TCF21: variants seen among roughly 807,000 people sequenced by gnomAD.
TCF21 encodes capsulin.
Under a neutral mutation model 13.5 loss-of-function variants are expected in TCF21, and 3 were observed. The ratio of observed to expected loss-of-function variants is 0.22; its 90% CI spans 0.10 to 0.57. The LOEUF (loss-of-function observed/expected upper bound fraction) is 0.57. TCF21 is among the 20% of genes least tolerant of loss of function. The probability of loss-of-function intolerance (pLI) is 0.92; values close to 1 mark genes in which losing one functional copy is unlikely to be tolerated. For missense variants in TCF21, 181 were observed against 238.4 expected (o/e 0.76, Z 1.59); for synonymous variants, 92 against 101.7 (o/e 0.90, Z 0.57).
rs1775227806 is a variant in TCF21 at position 133,892,032 on chromosome 6, G to A, written c.*230G>A. ...ATTTAACTTTATTAACTTCTACCGT[G>A]AATGACTCTGCAAGCCTTGCTGGTC... On this transcript the variant is annotated 3_prime_UTR_variant, in exon 2 of 2. Coordinates refer to ENST00000367882, the MANE Select transcript of TCF21 (RefSeq NM_003206.4). 2.0e-6 allele frequency: 1 copy of A among 500,314 alleles called. No homozygotes were observed. The highest frequency in any genetic ancestry group is 3.6e-6 in the Non-Finnish European group (1 of 278,460). The allele number at this position is 500,314 out of a possible 1,614,324, so 31.0% of individuals were successfully genotyped here.
rs923092385 is a variant in TCF21 at position 133,892,079 on chromosome 6, A to G, written c.*277A>G. ...GGTCCAAGTGCAATATGTAATTATA[A>G]ATATATAAATAGATAAGAGCCTATC... On this transcript the variant is annotated 3_prime_UTR_variant, in exon 2 of 2. Coordinates refer to ENST00000367882, the MANE Select transcript of TCF21 (RefSeq NM_003206.4). 4 of 335,530 alleles carry G rather than the reference A, an allele frequency of 1.2e-5. No individual in the cohort carries two copies. Among genetic ancestry groups the G allele is most frequent in the South Asian group, 1.0e-4 (2 of 19,250 alleles). The allele number at this position is 335,530 out of a possible 1,614,324, so 20.8% of individuals were successfully genotyped here.
At chr6:133,894,058 G>T (rs1681123369), downstream of TCF21, 1 of 152,214 alleles carries the variant, frequency 6.6e-6, no homozygotes, top group Non-Finnish European at 1.5e-5. Flanking sequence ...TAAAGGAAAA[G>T]CTCCGTGAAA....
At chr6:133,895,033 C>CTG (rs1257892196), downstream of TCF21, 1 of 152,148 alleles carries the variant, frequency 6.6e-6, no homozygotes, top group Non-Finnish European at 1.5e-5. Flanking sequence ...CTCTCTCTCT[C>CTG]TCTCTCATTG....
downstream of TCF21, chr6:133,894,273 T>G (rs1233755818): frequency 6.6e-6 from 1 of 152,168 alleles, no homozygotes; most frequent in Non-Finnish European, 1.5e-5. Flanking sequence ...ACCTTGCACC[T>G]CTCCCTAATG....
intron 1 of TCF21, among the ~76,000 whole-genome samples, chr6:133,890,904 G>A (rs953524316): frequency 1.3e-5 from 2 of 152,142 alleles, no homozygotes; most frequent in Non-Finnish European, 2.9e-5. Flanking sequence ...CTCTCCAATT[G>A]AAAGTTTGGG....
At position 133,889,210 on chromosome 6, in the gene TCF21, A is replaced by G. The variant is rs1583769450; in HGVS notation, c.-188A>G. On this transcript the variant is annotated 5_prime_UTR_variant, in exon 1 of 2. Coordinates refer to ENST00000367882, the MANE Select transcript of TCF21 (RefSeq NM_003206.4). The surrounding 1 kb of genome is among the most constrained non-coding windows in gnomAD (Gnocchi z 5.1). Reference sequence around the variant, plus strand: ...GAAGTCCTCGGGGTTCCTTCTCACAACTCTGCGAAGGGGAAAGGGTTGTGA... The same window carrying G: ...GAAGTCCTCGGGGTTCCTTCTCACAGCTCTGCGAAGGGGAAAGGGTTGTGA... 1.5e-6 allele frequency: 1 copy of G among 677,512 alleles called. No homozygotes were observed. The highest frequency in any genetic ancestry group is 1.8e-5 in the African/African-American group (1 of 55,558). The allele number at this position is 677,512 out of a possible 1,614,324, so 42.0% of individuals were successfully genotyped here.
chr6:133,891,851 C>T lies in TCF21; in HGVS notation c.*49C>T. 2 of 1,600,092 alleles carry T rather than the reference C, an allele frequency of 1.2e-6. No individual in the cohort carries two copies. Among genetic ancestry groups the T allele is most frequent in the Non-Finnish European group, 1.7e-6 (2 of 1,170,786 alleles). On this transcript the variant is annotated 3_prime_UTR_variant, in exon 2 of 2. Coordinates refer to ENST00000367882, the MANE Select transcript of TCF21 (RefSeq NM_003206.4). ...AGGCGCGCTCCCGGGGGGAGCGGGCCCCGGGAAGGCGACCCCTGCCCTCAG... is the reference window on the plus strand; with the variant it reads ...AGGCGCGCTCCCGGGGGGAGCGGGCTCCGGGAAGGCGACCCCTGCCCTCAG...
Position 133,889,629 on chromosome 6 carries a change from C to A in TCF21, c.232C>A (p.Gln78Lys). The change falls in exon 1 of 2, where the codon CAG (glutamine) becomes AAG (lysine). Residue 78 changes from glutamine (Q) to lysine (K), a missense_variant. By Grantham distance (53) the Gln-to-Lys change is moderately conservative. Coordinates refer to ENST00000367882, the MANE Select transcript of TCF21 (RefSeq NM_003206.4). This position sits in a 1 kb window ranked among gnomAD's most constrained non-coding sequence, Gnocchi z 5.1. ...PLSGVSQEGK[Q>K]VQRNAANARE... is the part of the protein sequence containing the mutation. ...GAGCGGGGTCAGCCAGGAGGGGAAGCAGGTCCAGCGCAACGCCGCCAACGC... is the reference window on the plus strand; with the variant it reads ...GAGCGGGGTCAGCCAGGAGGGGAAGAAGGTCCAGCGCAACGCCGCCAACGC... 1 of 1,613,718 alleles carries A rather than the reference C, an allele frequency of 6.2e-7. No individual in the cohort carries two copies.
In TCF21 at chr6:133,891,772, G is replaced by C; in HGVS notation, c.510G>C (p.Ala170=). Residue 170 remains alanine (A), a synonymous_variant, in exon 2 of 2, where the codon GCG becomes GCC. Transcript: ENST00000367882. ...PESDLKEVVT[A]SRLCGTTAS ...GTGACCTGAAAGAAGTGGTGACCGCGAGCCGCTTATGTGGAACCACCGCGT... is the reference window on the plus strand; with the variant it reads ...GTGACCTGAAAGAAGTGGTGACCGCCAGCCGCTTATGTGGAACCACCGCGT... The C allele has an allele frequency of 6.2e-7, 1 of 1,613,952 alleles. No individual in the cohort carries two copies. The highest frequency in any genetic ancestry group is 8.5e-7 in the Non-Finnish European group (1 of 1,179,998).
rs750251328 is a variant in TCF21 at position 133,889,608 on chromosome 6, G to A, written c.211G>A (p.Gly71Arg). 6.2e-6 allele frequency: 10 copies of A among 1,613,780 alleles called. No homozygotes were observed. The South Asian group carries it at 9.9e-5, about 16-fold the overall frequency. Residue 71 changes from glycine (G) to arginine (R), a missense_variant, in exon 1 of 2, where the codon GGG becomes AGG. Around this residue, in one of 3 missense-constraint regions of TCF21, gnomAD observed 91 missense variants for 98.5 expected, o/e 0.92. Transcript: ENST00000367882. The surrounding 1 kb of genome is among the most constrained non-coding windows in gnomAD (Gnocchi z 5.1). ...GCCCACCAAGAAGAGCCCCCTGAGC[G>A]GGGTCAGCCAGGAGGGGAAGCAGGT... ...KAPTKKSPLS[G>R]VSQEGKQVQR...
downstream of TCF21, chr6:133,893,848 T>C (rs749805275): frequency 6.6e-6 from 1 of 152,248 alleles, no homozygotes; most frequent in Non-Finnish European, 1.5e-5. Context: ...TGGCTATGAA[T>C]AGGGAACACG....
downstream of TCF21, chr6:133,894,269 C>T (rs1266975866): frequency 2.0e-5 from 3 of 152,154 alleles, no homozygotes; most frequent in Non-Finnish European, 2.9e-5. Context: ...TTTCACCTTG[C>T]ACCTCTCCCT....
At position 133,889,934 on chromosome 6, in the gene TCF21, G is replaced by T. The variant is rs563397710; in HGVS notation, c.450+87G>T. 29 of 1,463,116 alleles carry T rather than the reference G, an allele frequency of 2.0e-5. No homozygotes were observed. The highest frequency in any genetic ancestry group is 6.9e-5 in the Admixed American group (4 of 58,092). The allele number at this position is 1,463,116 out of a possible 1,614,324, so 90.6% of individuals were successfully genotyped here. Reference sequence around the variant, plus strand: ...CGCGAGTGCGCGCGGGGCTGGGAGTGGGGGTGTGGGCGCGGCGGTGACTTA... The same window carrying T: ...CGCGAGTGCGCGCGGGGCTGGGAGTTGGGGTGTGGGCGCGGCGGTGACTTA... On this transcript the variant is annotated intron_variant, in intron 1 of 1. Coordinates refer to ENST00000367882, the MANE Select transcript of TCF21 (RefSeq NM_003206.4). This position sits in a 1 kb window ranked among gnomAD's most constrained non-coding sequence, Gnocchi z 5.1.
At position 133,891,771 on chromosome 6, in the gene TCF21, C is replaced by T. The variant is rs756756327; in HGVS notation, c.509C>T (p.Ala170Val). 1.9e-6 allele frequency: 3 copies of T among 1,613,764 alleles called. No individual in the cohort carries two copies. The highest frequency in any genetic ancestry group is 2.5e-6 in the Non-Finnish European group (3 of 1,179,984). ...AGTGACCTGAAAGAAGTGGTGACCG[C>T]GAGCCGCTTATGTGGAACCACCGCG... ...PESDLKEVVT[A>V]SRLCGTTAS The change falls in exon 2 of 2, where the codon GCG (alanine) becomes GTG (valine). Residue 170 changes from alanine to valine, a missense_variant. Around this residue, in one of 3 missense-constraint regions of TCF21, gnomAD observed 55 missense variants for 59.5 expected, o/e 0.92. Coordinates refer to ENST00000367882, the MANE Select transcript of TCF21 (RefSeq NM_003206.4).
rs1286616251 is a variant in TCF21 at position 133,889,429 on chromosome 6, A to G, written c.32A>G (p.Asp11Gly). 5 of 1,613,524 alleles carry G rather than the reference A, an allele frequency of 3.1e-6. No individual in the cohort carries two copies. The highest frequency in any genetic ancestry group is 4.2e-6 in the Non-Finnish European group (5 of 1,179,934). ...ACCGGCTCCCTCAGCGATGTGGAGG[A>G]CCTTCAAGAGGTGGAGATGTTGGAA... MSTGSLSDVEDLQEVEMLECD... is the reference protein window; with the variant it reads MSTGSLSDVEGLQEVEMLECD... Residue 11 changes from aspartate to glycine, a missense_variant, in exon 1 of 2, where the codon GAC (aspartate) becomes GGC (glycine). Asp to Gly is a moderately conservative substitution (Grantham distance 94, BLOSUM62 -1). This residue lies in a region of TCF21 where 91 missense variants were observed against 98.5 expected (regional missense o/e 0.92). Transcript: ENST00000367882. This position sits in a 1 kb window ranked among gnomAD's most constrained non-coding sequence, Gnocchi z 5.1.
Position 133,889,903 on chromosome 6 carries a change from G to A in TCF21, c.450+56G>A. The A allele has an allele frequency of 6.3e-7, 1 of 1,598,134 alleles. No individual in the cohort carries two copies. The highest frequency in any genetic ancestry group is 8.6e-7 in the Non-Finnish European group (1 of 1,167,962). ...CAGGCGCGCCCGCACTCCCGCCTGC[G>A]GTGGGCGCGAGTGCGCGCGGGGCTG... is the stretch of plus-strand genomic sequence containing the variant. On this transcript the variant is annotated intron_variant, in intron 1 of 1. Transcript: ENST00000367882. This position sits in a 1 kb window ranked among gnomAD's most constrained non-coding sequence, Gnocchi z 5.1.
Position 133,889,217 on chromosome 6 carries a change from GA to G in TCF21, c.-179del. 1 of 705,778 alleles carries G rather than the reference GA, an allele frequency of 1.4e-6. No homozygotes were observed. Among genetic ancestry groups the G allele is most frequent in the South Asian group, 1.7e-5 (1 of 57,728 alleles). 43.7% of individuals were successfully genotyped at this position (705,778 alleles called of 1,614,324 possible). Reference sequence around the variant, plus strand: ...TCGGGGTTCCTTCTCACAACTCTGCGAAGGGGAAAGGGTTGTGAGACCCAAC... The same window carrying G: ...TCGGGGTTCCTTCTCACAACTCTGCGAGGGGAAAGGGTTGTGAGACCCAAC... On this transcript the variant is annotated 5_prime_UTR_variant, in exon 1 of 2. Coordinates refer to ENST00000367882, the MANE Select transcript of TCF21 (RefSeq NM_003206.4). The surrounding 1 kb of genome is among the most constrained non-coding windows in gnomAD (Gnocchi z 5.1).
chr6:133,889,730 C>T lies in TCF21; in HGVS notation c.333C>T (p.Pro111=), dbSNP rs776740659. Residue 111 remains proline, a synonymous_variant, in exon 1 of 2, where the codon CCC becomes CCT. Transcript: ENST00000367882. The surrounding 1 kb of genome is among the most constrained non-coding windows in gnomAD (Gnocchi z 5.1). ...AGACCACCCTGCCCTGGGTGCCCCCCGACACCAAGCTCTCCAAGCTGGACA... is the reference window on the plus strand; with the variant it reads ...AGACCACCCTGCCCTGGGTGCCCCCTGACACCAAGCTCTCCAAGCTGGACA... ...RLKTTLPWVP[P]DTKLSKLDTL... The T allele has an allele frequency of 1.2e-6, 2 of 1,613,558 alleles. No homozygotes were observed. Among genetic ancestry groups the T allele is most frequent in the Admixed American group, 3.3e-5 (2 of 60,014 alleles).
chr6:133,893,038 C>A (rs536528433), downstream of TCF21: 6 of 152,366 alleles, frequency 3.9e-5, no homozygotes, highest in Admixed American at 3.9e-4. Flanking sequence ...GGGTTATGAC[C>A]GCAGTGTTTA....
Sources: gnomAD v4.1 joint callset for allele counts (sites outside exome capture counted in the v4.1 genomes callset) on GRCh38, gnomAD v4.1.1 for gene constraint, gnomAD v4.1.1 regional missense constraint, Gnocchi (gnomAD v3.1) non-coding constraint, MANE v1.5 for transcripts, NCBI Gene and HGNC (gene_info 2026-07-23, HGNC 2026-07-21) for gene names.